The following WASHC3 variants were observed in gnomAD, a reference collection of about 807,000 sequenced individuals.
WASHC3 encodes WASH complex subunit CCDC53.
A neutral mutation model predicts 26.1 loss-of-function variants in WASHC3; 24 were observed. The ratio of observed to expected loss-of-function variants is 0.92; its 90% confidence interval spans 0.66 to 1.29. The LOEUF (loss-of-function observed/expected upper bound fraction) is 1.29. Among genes scored for constraint, WASHC3 ranks in the 50% most tolerant of loss-of-function variants. The pLI is 0.00. For synonymous variants in WASHC3, 77 were observed against 75.7 expected (o/e 1.02, Z -0.09); for missense variants, 214 against 229.6 (o/e 0.93, Z 0.44).
At chr12:102,054,118 A>G (rs1878500265) in intron 2 of WASHC3, among the ~76,000 whole-genome samples, 1 of 152,220 alleles carries the variant, frequency 6.6e-6, no homozygotes, top group South Asian at 2.1e-4. Context: ...ATCAAAGTAT[A>G]TCACTAGAGA....
At chr12:102,025,779 T>C (rs1321928225) in intron 6 of WASHC3, 195 bp downstream of exon 6, 1 of 472,606 alleles carries the variant, frequency 2.1e-6, no homozygotes, top group South Asian at 3.8e-5. Context: ...GTTCCTAAAA[T>C]GTGTAAAGGC....
chr12:102,017,753 C>A, intron 6 of WASHC3: 2 of 425,366 alleles, frequency 4.7e-6, no homozygotes, highest in Non-Finnish European at 4.6e-6. Context: ...TTCTCCACAC[C>A]GTCAGCAACA....
intron 1 of WASHC3, 86 bp downstream of exon 1, chr12:102,061,826 T>G: frequency 8.2e-7 from 1 of 1,217,868 alleles, no homozygotes; most frequent in South Asian, 1.4e-5. Flanking sequence ...GGGTGGGGAC[T>G]CGGAAGGTGG....
intron 5 of WASHC3, among the ~76,000 whole-genome samples, chr12:102,028,971 T>C (rs1206238367): frequency 6.6e-6 from 1 of 152,180 alleles, no homozygotes; most frequent in Non-Finnish European, 1.5e-5. Flanking sequence ...TATATGCATA[T>C]GGGTAAAGAA....
At position 102,023,955 on chromosome 12, in the gene WASHC3, C is replaced by T. The variant is rs527517460; in HGVS notation, c.500+2019G>A. 4.6e-5 allele frequency among the ~76,000 whole-genome samples: 7 copies of T among 152,190 alleles called. No homozygotes were observed. In the South Asian group the frequency reaches 1.5e-3, roughly 32 times the overall value. On this transcript the variant is annotated intron_variant, in intron 6 of 6. Coordinates refer to ENST00000240079, the MANE Select transcript of WASHC3 (RefSeq NM_016053.4). ...TGTTGAAGGGCCTGGGATCTTCCTC[C>T]GTGGTAGTTACCTATGGACTCTATC... is the stretch of plus-strand genomic sequence containing the variant.
intron 2 of WASHC3, among the ~76,000 whole-genome samples, chr12:102,047,871 T>C (rs1173807372): frequency 1.3e-5 from 2 of 152,218 alleles, no homozygotes; most frequent in Non-Finnish European, 2.9e-5. Flanking sequence ...AACATATCAA[T>C]TGAAATCTTA....
chr12:102,062,049 C>T, upstream of WASHC3: 2 of 1,183,834 alleles, frequency 1.7e-6, no homozygotes, highest in Non-Finnish European at 2.4e-6. Context: ...TCTCAACTTT[C>T]CCCCCAAGTG....
intron 2 of WASHC3, among the ~76,000 whole-genome samples, chr12:102,048,573 A>G (rs1050911331): frequency 6.6e-6 from 1 of 152,124 alleles, no homozygotes. Context: ...CAAAAGAAAA[A>G]AAAAAGAAAA....
chr12:102,052,028 A>T (rs1878412894), intron 2 of WASHC3, among the ~76,000 whole-genome samples: 1 of 152,250 alleles, frequency 6.6e-6, no homozygotes, highest in African/African-American at 2.4e-5. Flanking sequence ...GACAACAGCA[A>T]GATGGGGGAA....
intron 5 of WASHC3, among the ~76,000 whole-genome samples, chr12:102,039,151 T>TA (rs542890206): frequency 9.6e-5 from 14 of 146,512 alleles, no homozygotes; most frequent in South Asian, 2.2e-4. Flanking sequence ...TTTTTTTTTT[T>TA]AATGTAGAAG....
intron 5 of WASHC3, among the ~76,000 whole-genome samples, chr12:102,039,633 G>A (rs1877853966): frequency 6.6e-6 from 1 of 150,828 alleles, no homozygotes; most frequent in African/African-American, 2.4e-5. Context: ...GCAAAAAAAT[G>A]TACATAAATC....
intron 4 of WASHC3, among the ~76,000 whole-genome samples, chr12:102,042,348 T>C (rs548234403): frequency 6.6e-6 from 1 of 152,182 alleles, no homozygotes; most frequent in Non-Finnish European, 1.5e-5. Flanking sequence ...CCCAAATATA[T>C]ACTATATTCT....
intron 6 of WASHC3, among the ~76,000 whole-genome samples, chr12:102,019,683 G>A (rs1168955759): frequency 2.0e-5 from 3 of 151,994 alleles, no homozygotes; most frequent in Non-Finnish European, 2.9e-5. Context: ...ATTTATATTT[G>A]TGACACCAAA....
intron 6 of WASHC3, chr12:102,017,878 A>T: frequency 2.9e-6 from 1 of 350,256 alleles, no homozygotes; most frequent in Non-Finnish European, 5.5e-6. Flanking sequence ...TGTTTAGTAC[A>T]TTCACATTGT....
At position 102,025,982 on chromosome 12, in the gene WASHC3, A is replaced by G; in HGVS notation, c.492T>C (p.Asp164=). 1 of 1,491,820 alleles carries G rather than the reference A, an allele frequency of 6.7e-7. No homozygotes were observed. Among genetic ancestry groups the G allele is most frequent in the Non-Finnish European group, 9.2e-7 (1 of 1,088,492 alleles). 92.4% of individuals were successfully genotyped at this position (1,491,820 alleles called of 1,614,324 possible). Residue 164 remains aspartate (D), a synonymous_variant, in exon 6 of 7, where the codon GAT becomes GAC. Coordinates refer to ENST00000240079, the MANE Select transcript of WASHC3 (RefSeq NM_016053.4). Reference sequence around the variant, plus strand: ...TTAGAAGAATTACTTACTCAAGAAGATCTGGGTCTAGTCCTTCTGATATCA... The same window carrying G: ...TTAGAAGAATTACTTACTCAAGAAGGTCTGGGTCTAGTCCTTCTGATATCA... ...NKMISEGLDP[D]LLERPDAPVP... is the part of the protein sequence containing the mutation.
At chr12:102,045,967 C>A in intron 3 of WASHC3, 87 bp downstream of exon 3, 1 of 750,018 alleles carries the variant, frequency 1.3e-6, no homozygotes, top group Non-Finnish European at 2.2e-6. Context: ...TGGAATCACT[C>A]CCAAATGCAA....
rs1240460495 is a variant in WASHC3 at position 102,061,308 on chromosome 12, T to C, written c.90A>G (p.Leu30=). 8 of 1,613,990 alleles carry C rather than the reference T, an allele frequency of 5.0e-6. No homozygotes were observed. The highest frequency in any genetic ancestry group is 6.8e-6 in the Non-Finnish European group (8 of 1,179,872). ...AIQQKRTVAF[L]NQFVVHTVQF... is the part of the protein sequence containing the mutation. The stretch of plus-strand genomic sequence containing the variant: ...GTACAGTGTGCACCACAAATTGGTT[T>C]AGAAAAGCCACCGTTCTTTTCTGTT... Residue 30 remains leucine (L), a synonymous_variant, in exon 2 of 7, where the codon CTA becomes CTG. Transcript: ENST00000240079.
intron 5 of WASHC3, among the ~76,000 whole-genome samples, chr12:102,036,362 C>CAAA (rs1271595888): frequency 2.9e-4 from 21 of 71,802 alleles, no homozygotes; most frequent in African/African-American, 6.9e-4. Flanking sequence ...GACTCCGTCT[C>CAAA]AAAAAAAAAA....
intron 2 of WASHC3, among the ~76,000 whole-genome samples, chr12:102,052,454 C>T (rs1314049763): frequency 6.6e-6 from 1 of 152,170 alleles, no homozygotes. Context: ...TAGGCTTGTC[C>T]CACTGGGACC....
Sources: allele counts gnomAD v4.1 joint callset (sites outside exome capture counted in the v4.1 genomes callset), GRCh38; gene constraint gnomAD v4.1.1; transcripts MANE v1.5; gene names NCBI Gene and HGNC (gene_info 2026-07-23, HGNC 2026-07-21).